DISC1: variants seen among roughly 807,000 people sequenced by gnomAD.
DISC1 encodes the protein DISC1 scaffold protein, also known as disrupted in schizophrenia 1 protein.
DISC1 carries 57 observed loss-of-function variants against 84.5 expected under a neutral mutation model. The ratio of observed to expected loss-of-function variants is 0.67; its 90% CI spans 0.55 to 0.84. The LOEUF (loss-of-function observed/expected upper bound fraction) is 0.84. Among genes scored for constraint, DISC1 ranks in the 40% least tolerant of loss-of-function variants. The pLI, the probability that DISC1 is intolerant of heterozygous loss-of-function variation, is 0.00. For missense variants in DISC1, 1,000 were observed against 1,057.8 expected (o/e 0.95, Z 0.76); for synonymous variants, 411 against 415.2 (o/e 0.99, Z 0.12).
At chr1:231,730,007 A>T (rs1343253134) in intron 3 of DISC1, among the ~76,000 whole-genome samples, 1 of 152,230 alleles carries the variant, frequency 6.6e-6, no homozygotes, top group Non-Finnish European at 1.5e-5. Flanking sequence ...AAAAACAATT[A>T]TGTCTTAAAA....
chr1:231,792,078 A>G (rs2078391828), intron 6 of DISC1, among the ~76,000 whole-genome samples: 1 of 152,194 alleles, frequency 6.6e-6, no homozygotes, highest in Non-Finnish European at 1.5e-5. Flanking sequence ...CTCCCCCAAC[A>G]ATTGCTTTTA....
At chr1:231,788,751 C>G (rs2078082412) in intron 6 of DISC1, among the ~76,000 whole-genome samples, 2 of 152,170 alleles carry the variant, frequency 1.3e-5, no homozygotes, top group Admixed American at 1.3e-4. Context: ...TTCACCCCAG[C>G]CATACAGTCA....
At chr1:231,759,526 C>CA (rs767431903) in intron 4 of DISC1, among the ~76,000 whole-genome samples, 34,120 of 48,770 alleles carry the variant, frequency 0.7, 12,208 homozygotes, top group Middle Eastern at 0.87. Context: ...CCCATCTCTA[C>CA]AAAAAAAAAA....
chr1:231,762,350 C>A (rs1410081912), intron 4 of DISC1, among the ~76,000 whole-genome samples: 3 of 148,754 alleles, frequency 2.0e-5, no homozygotes, highest in African/African-American at 7.4e-5. Context: ...CCTTTCCTTT[C>A]TTTGTGGTAT....
chr1:231,638,849 A>G (rs754724035), intron 1 of DISC1, among the ~76,000 whole-genome samples: 6 of 152,194 alleles, frequency 3.9e-5, no homozygotes, highest in Non-Finnish European at 8.8e-5. Flanking sequence ...TAATCATCAC[A>G]GAGCAGGGAA....
intron 1 of DISC1, among the ~76,000 whole-genome samples, chr1:231,681,865 A>AT (rs2063732040): frequency 6.6e-6 from 1 of 151,912 alleles, no homozygotes; most frequent in Non-Finnish European, 1.5e-5. Context: ...TACCCTGCTA[A>AT]TTTTTTGTAC....
At chr1:231,813,112 T>G (rs965330700) in intron 8 of DISC1, 1 of 152,178 alleles carries the variant, frequency 6.6e-6, no homozygotes, top group Non-Finnish European at 1.5e-5. Flanking sequence ...GAGCTTGCAG[T>G]GGGTTGCAAG....
At chr1:231,767,299 T>C in intron 5 of DISC1, 30 bp downstream of exon 5, 2 of 1,613,852 alleles carry the variant, frequency 1.2e-6, no homozygotes, top group Non-Finnish European at 1.7e-6. Flanking sequence ...TCAAGAAATA[T>C]GATGGCATTT....
At chr1:231,663,966 T>G (rs115417616) in intron 1 of DISC1, among the ~76,000 whole-genome samples, 1 of 152,160 alleles carries the variant, frequency 6.6e-6, no homozygotes, top group Non-Finnish European at 1.5e-5. Flanking sequence ...TGGACAGATA[T>G]GGCCAAACTG....
Position 231,875,245 on chromosome 1 carries a change from C to T in DISC1, c.1981+56728C>T, listed in dbSNP as rs555146189. Among the ~76,000 whole-genome samples the T allele has an allele frequency of 1.1e-4, 17 of 152,280 alleles. No individual in the cohort carries two copies. In the South Asian group the frequency reaches 2.1e-3, roughly 19 times the overall value. On this transcript the variant is annotated intron_variant, in intron 9 of 12. Transcript: ENST00000439617. ...TCAGTGATGGGGAGAGGAGAAGACT[C>T]TGCAGCTGAACCTGTGGGGATGTGA...
chr1:231,765,202 A>AAAAC (rs1369946955), intron 4 of DISC1, among the ~76,000 whole-genome samples: 2 of 150,946 alleles, frequency 1.3e-5, no homozygotes, highest in African/African-American at 4.9e-5. Context: ...CTACAAAAAA[A>AAAAC]AAAAAAAAAA....
At chr1:232,016,329 C>T (rs916496813) in intron 11 of DISC1, among the ~76,000 whole-genome samples, 3 of 152,098 alleles carry the variant, frequency 2.0e-5, no homozygotes, top group Non-Finnish European at 2.9e-5. Context: ...AAAAGGAATC[C>T]CTCAAACCAC....
intron 5 of DISC1, among the ~76,000 whole-genome samples, chr1:231,768,503 A>C (rs2076321827): frequency 6.6e-6 from 1 of 152,112 alleles, no homozygotes; most frequent in Admixed American, 6.5e-5. Flanking sequence ...CTGGTTTTTG[A>C]TTTTTAATAA....
At chr1:231,735,239 G>T (rs957563636) in intron 3 of DISC1, among the ~76,000 whole-genome samples, 1 of 152,120 alleles carries the variant, frequency 6.6e-6, no homozygotes, top group African/African-American at 2.4e-5. Flanking sequence ...GATTTATCTT[G>T]TAATATTAAA....
intron 8 of DISC1, among the ~76,000 whole-genome samples, chr1:231,803,829 T>TC (rs1215004540): frequency 6.6e-6 from 1 of 151,402 alleles, no homozygotes; most frequent in Non-Finnish European, 1.5e-5. Context: ...GCGCCTGTAG[T>TC]CCCATCTACT....
intron 1 of DISC1, among the ~76,000 whole-genome samples, chr1:231,657,089 A>G (rs963135319): frequency 2.0e-5 from 3 of 152,252 alleles, no homozygotes; most frequent in Admixed American, 6.5e-5. Flanking sequence ...AAATGCTGCA[A>G]TGAACATACA....
At chr1:232,003,846 A>G (rs1267748872) in intron 10 of DISC1, among the ~76,000 whole-genome samples, 1 of 152,020 alleles carries the variant, frequency 6.6e-6, no homozygotes, top group Non-Finnish European at 1.5e-5. Flanking sequence ...CAAGGGAACC[A>G]TTAGGAAAGA....
chr1:231,923,144 G>T (rs996535056), intron 9 of DISC1, among the ~76,000 whole-genome samples: 3 of 151,686 alleles, frequency 2.0e-5, no homozygotes, highest in Non-Finnish European at 4.4e-5. Context: ...AAAGTTAGCT[G>T]GGTGTGGTGG....
chr1:231,648,305 G>A (rs1221953649), intron 1 of DISC1, among the ~76,000 whole-genome samples: 1 of 152,250 alleles, frequency 6.6e-6, no homozygotes, highest in Non-Finnish European at 1.5e-5. Context: ...TTCTGCATCT[G>A]TTGAGATAAT....
Sources: gnomAD v4.1 joint callset for allele counts (sites outside exome capture counted in the v4.1 genomes callset) on GRCh38, gnomAD v4.1.1 for gene constraint, MANE v1.5 for transcripts, NCBI Gene and HGNC (gene_info 2026-07-23, HGNC 2026-07-21) for gene names.